The following LINGO2 variants were observed in gnomAD, a reference collection of about 807,000 sequenced individuals.
The protein encoded by LINGO2 is leucine-rich repeat and immunoglobulin-like domain-containing nogo receptor-interacting protein 2.
Under a neutral mutation model 30.6 loss-of-function variants are expected in LINGO2, and 14 were observed. The observed-to-expected ratio is 0.46, with a 90% CI of 0.30 to 0.72. The LOEUF is 0.72. Among genes scored for constraint, LINGO2 ranks in the 30% least tolerant of loss-of-function variants. LINGO2 has a pLI of 0.07. For missense variants in LINGO2, 729 were observed against 751.7 expected, an observed-to-expected ratio of 0.97 and a Z score of 0.35; for synonymous variants, 317 against 288.5, an observed-to-expected ratio of 1.10 and a Z score of -1.00.
At chr9:28,645,186 TG>T (rs1056679411) in intron 1 of LINGO2, among the ~76,000 whole-genome samples, 5 of 152,062 alleles carry the variant, frequency 3.3e-5, no homozygotes, top group Non-Finnish European at 7.4e-5. Context: ...GAATTAGTTA[TG>T]GTGAGTTAAT....
the LINGO2 span, among the ~76,000 whole-genome samples, chr9:29,135,658 T>C: frequency 0.14 from 21,750 of 152,012 alleles, 1,898 homozygotes; most frequent in South Asian, 0.21. Context: ...AAAATGCACA[T>C]AGCACAAAAT....
rs1826084499 is a variant in LINGO2 at position 28,484,271 on chromosome 9, C to A, written c.-364-8246G>T. On this transcript the variant is annotated intron_variant, in intron 1 of 5. Coordinates refer to ENST00000379992, the Ensembl canonical transcript of LINGO2. ...ACCAGCTTTTGTTGACAAGGAGGGCCCATAATGTGGTTCTCTTAGCACCAA... is the reference window on the plus strand; with the variant it reads ...ACCAGCTTTTGTTGACAAGGAGGGCACATAATGTGGTTCTCTTAGCACCAA... 1.3e-5 allele frequency among the ~76,000 whole-genome samples: 2 copies of A among 151,970 alleles called. 1 individual carries two copies. The highest frequency in any genetic ancestry group is 4.1e-4 in the South Asian group (2 of 4,826).
chr9:28,958,115 A>T, the LINGO2 span, among the ~76,000 whole-genome samples: 16 of 152,140 alleles, frequency 1.1e-4, no homozygotes, highest in Non-Finnish European at 2.2e-4. Flanking sequence ...TATTCAGTGC[A>T]ATCGTAGTAG....
intron 1 of LINGO2, among the ~76,000 whole-genome samples, chr9:28,519,716 C>T (rs1820760130): frequency 6.6e-6 from 1 of 152,152 alleles, no homozygotes; most frequent in Admixed American, 6.5e-5. Context: ...AACCTTTCTG[C>T]AAGGCAAGAC....
At chr9:28,355,446 C>A (rs966943930) in intron 3 of LINGO2, among the ~76,000 whole-genome samples, 4 of 150,584 alleles carry the variant, frequency 2.7e-5, no homozygotes, top group Non-Finnish European at 5.9e-5. Context: ...CCAGAAATAA[C>A]ATTCGCCCCC....
At chr9:28,489,478 C>G (rs759251802) in intron 1 of LINGO2, among the ~76,000 whole-genome samples, 20 of 152,108 alleles carry the variant, frequency 1.3e-4, no homozygotes, top group Non-Finnish European at 2.5e-4. Context: ...CCCATCCTTC[C>G]TTTTAATATT....
chr9:28,224,152 C>T (rs1434728219), intron 4 of LINGO2, among the ~76,000 whole-genome samples: 2 of 152,156 alleles, frequency 1.3e-5, no homozygotes, highest in South Asian at 2.1e-4. Flanking sequence ...GCAAGCTCTG[C>T]CTCTCGGGTT....
the LINGO2 span, among the ~76,000 whole-genome samples, chr9:28,922,225 A>G: frequency 1.3e-5 from 2 of 152,172 alleles, no homozygotes; most frequent in Admixed American, 1.3e-4. Flanking sequence ...CAATTATCTG[A>G]GTAGGTAACA....
At chr9:28,088,889 A>G (rs1825991834) in intron 4 of LINGO2, among the ~76,000 whole-genome samples, 1 of 152,166 alleles carries the variant, frequency 6.6e-6, no homozygotes, top group African/African-American at 2.4e-5. Context: ...GCAAATGGAA[A>G]ACAAAAAAAG....
chr9:28,450,781 A>G (rs1355727934), intron 2 of LINGO2, among the ~76,000 whole-genome samples: 1 of 152,028 alleles, frequency 6.6e-6, no homozygotes, highest in Non-Finnish European at 1.5e-5. Flanking sequence ...ATGACTTTTT[A>G]AATGTATATA....
At chr9:28,584,097 C>T (rs918034809) in intron 1 of LINGO2, among the ~76,000 whole-genome samples, 2 of 152,084 alleles carry the variant, frequency 1.3e-5, no homozygotes, top group African/African-American at 2.4e-5. Context: ...AGATAAGTTT[C>T]TATTATTTAC....
At position 28,077,086 on chromosome 9, in the gene LINGO2, T is replaced by G. The variant is rs1200251544; in HGVS notation, c.-86-64681A>C. 4.6e-5 allele frequency among the ~76,000 whole-genome samples: 7 copies of G among 152,116 alleles called. No homozygotes were observed. The East Asian group carries it at 1.4e-3, about 29-fold the overall frequency. ...GCACAGCTTACTGGTTTCTACCCCA[T>G]AGAAAACTACAGTAAGTGACTCTAA... On this transcript the variant is annotated intron_variant, in intron 4 of 5. Transcript: ENST00000379992.
intron 3 of LINGO2, among the ~76,000 whole-genome samples, chr9:28,349,676 C>G (rs1819766586): frequency 7.2e-6 from 1 of 138,542 alleles, no homozygotes; most frequent in Non-Finnish European, 1.6e-5. Flanking sequence ...TCGAGAAGAG[C>G]AACTCCAAGA....
intron 3 of LINGO2, among the ~76,000 whole-genome samples, chr9:28,360,564 C>G (rs1820401255): frequency 6.6e-6 from 1 of 152,146 alleles, no homozygotes; most frequent in African/African-American, 2.4e-5. Flanking sequence ...GTGCCCTCCA[C>G]AAGATTTTTG....
chr9:28,576,034 T>C (rs927574704), intron 1 of LINGO2, among the ~76,000 whole-genome samples: 1 of 152,058 alleles, frequency 6.6e-6, no homozygotes, highest in East Asian at 1.9e-4. Context: ...GATAAATCGA[T>C]TGTAAGTTGA....
rs1821775113 is a variant in LINGO2, at chr9:28,390,354, T to A, written c.-278-17486A>T. 2.6e-5 allele frequency among the ~76,000 whole-genome samples: 4 copies of A among 152,178 alleles called. No individual in the cohort carries two copies. The South Asian group carries it at 8.3e-4, about 32-fold the overall frequency. ...TTTTACTCTGAAATCTTAATTCACA[T>A]CTATGCATAATGGATGTTAACTCCG... On this transcript the variant is annotated intron_variant, in intron 2 of 5. Coordinates refer to ENST00000379992, the Ensembl canonical transcript of LINGO2.
In LINGO2 at chr9:28,171,939, G is replaced by A. The variant is rs371353482; in HGVS notation, c.-87+123269C>T. ...TGGGAGGCTGAGGCAGGAGAATGGC[G>A]TTCAGGAGGCAGAGCTTGCAGTGAG... On this transcript the variant is annotated intron_variant, in intron 4 of 5. Coordinates refer to ENST00000379992, the Ensembl canonical transcript of LINGO2. 1.5e-4 allele frequency among the ~76,000 whole-genome samples: 21 copies of A among 137,282 alleles called. No individual in the cohort carries two copies. The East Asian group carries it at 2.9e-3, about 19-fold the overall frequency. The allele number at this position is 137,282 out of a possible 152,430, so 90.1% of individuals were successfully genotyped here.
chr9:29,050,924 G>C, the LINGO2 span, among the ~76,000 whole-genome samples: 1 of 152,154 alleles, frequency 6.6e-6, no homozygotes, highest in African/African-American at 2.4e-5. Flanking sequence ...TTAATTTGTA[G>C]TATCTAAAAT....
chr9:28,880,377 T>C, the LINGO2 span, among the ~76,000 whole-genome samples: 3 of 152,148 alleles, frequency 2.0e-5, no homozygotes, highest in African/African-American at 7.2e-5. Context: ...CACAAAAACA[T>C]GTGTTGTATA....
Sources: allele counts gnomAD v4.1 joint callset (sites outside exome capture counted in the v4.1 genomes callset), GRCh38; gene constraint gnomAD v4.1.1; transcripts MANE v1.5; gene names NCBI Gene and HGNC (gene_info 2026-07-23, HGNC 2026-07-21).